The following HDX variants were observed in gnomAD, a reference collection of about 807,000 sequenced individuals.
HDX encodes chromosome X open reading frame 43.
A neutral mutation model predicts 45.2 loss-of-function variants in HDX; 19 were observed. That is an observed-to-expected ratio of 0.42 (90% CI 0.29 to 0.62). The LOEUF is 0.62. Among genes scored for constraint, HDX ranks in the 20% least tolerant of loss-of-function variants. The pLI, the probability that HDX is intolerant of heterozygous loss-of-function variation, is 0.20. For synonymous variants in HDX, 188 were observed against 172.8 expected (o/e 1.09, Z -0.69); for missense variants, 532 against 493.9 (o/e 1.08, Z -0.73).
At chrX:84,365,040 A>G (rs2147858229) in intron 5 of HDX, among the ~76,000 whole-genome samples, 1 of 110,603 alleles carries the variant, frequency 9.0e-6, no homozygotes, top group South Asian at 3.9e-4. Flanking sequence ...TATTTTGGCT[A>G]TTGTGAATAA....
chrX:84,372,526 G>T (rs145565439), intron 5 of HDX, among the ~76,000 whole-genome samples: 1,307 of 111,682 alleles, frequency 0.012, 8 homozygotes, highest in Non-Finnish European at 0.019. Context: ...GTTTGACCAA[G>T]GATTCTGTAA....
Position 84,321,810 on chromosome X carries a change from G to A in HDX, c.*79C>T, listed in dbSNP as rs909092780. 13 of 797,673 alleles carry A rather than the reference G, an allele frequency of 1.6e-5. No individual in the cohort carries two copies. The highest frequency in any genetic ancestry group is 3.2e-5 in the Admixed American group (1 of 31,594). 65.7% of individuals were successfully genotyped at this position (797,673 alleles called of 1,213,427 possible). Reference sequence around the variant, plus strand: ...GTTTTCCCAACTAAAGAATACCAGGGCAACAGAATGCAGTTATCTTGAAAT... The same window carrying A: ...GTTTTCCCAACTAAAGAATACCAGGACAACAGAATGCAGTTATCTTGAAAT... On this transcript the variant is annotated 3_prime_UTR_variant, in exon 11 of 11. Transcript: ENST00000373177.
intron 1 of HDX, among the ~76,000 whole-genome samples, chrX:84,496,925 A>T (rs749079740): frequency 1.8e-5 from 2 of 111,328 alleles, no homozygotes; most frequent in Non-Finnish European, 3.8e-5. Context: ...CCCAAGTCTT[A>T]TCTGGAATTG....
At chrX:84,475,486 T>C in intron 2 of HDX, 89 bp from the exon 3 acceptor site, 1 of 531,551 alleles carries the variant, frequency 1.9e-6, no homozygotes, top group Non-Finnish European at 3.0e-6. Context: ...ACAATTTCAA[T>C]GCTTCCAAGC....
rs1376921440 is a variant in HDX, at chrX:84,321,841, C to T, written c.*48G>A. On this transcript the variant is annotated 3_prime_UTR_variant, in exon 11 of 11. Coordinates refer to ENST00000373177, the MANE Select transcript of HDX (RefSeq NM_001177479.2). ...GAATGCAGTTATCTTGAAATGCACA[C>T]CTGTTACGAAGCCAAAAGACTGTAT... is the stretch of plus-strand genomic sequence containing the variant. 6 of 1,082,034 alleles carry T rather than the reference C, an allele frequency of 5.5e-6. No homozygotes were observed. Among genetic ancestry groups the T allele is most frequent in the Non-Finnish European group, 7.4e-6 (6 of 806,430 alleles). 89.2% of individuals were successfully genotyped at this position (1,082,034 alleles called of 1,213,427 possible).
chrX:84,419,222 G>T (rs985799522), intron 5 of HDX, among the ~76,000 whole-genome samples: 1 of 110,709 alleles, frequency 9.0e-6, no homozygotes, highest in Non-Finnish European at 1.9e-5. Flanking sequence ...TTGAGCATCA[G>T]GCGGGTTCTT....
At position 84,350,636 on chromosome X, in the gene HDX, T is replaced by G. The variant is rs771231965; in HGVS notation, c.1453-6179A>C. Among the ~76,000 whole-genome samples, 7 of 111,776 alleles carry G rather than the reference T, an allele frequency of 6.3e-5. No individual in the cohort carries two copies. The South Asian group carries it at 2.6e-3, about 42-fold the overall frequency. Reference sequence around the variant, plus strand: ...CTGAAGTTTACTTTATCCGATATTATTGTATCAACTCCTGCTTTATTTTGA... The same window carrying G: ...CTGAAGTTTACTTTATCCGATATTAGTGTATCAACTCCTGCTTTATTTTGA... On this transcript the variant is annotated intron_variant, in intron 6 of 10. Coordinates refer to ENST00000373177, the MANE Select transcript of HDX (RefSeq NM_001177479.2).
chrX:84,490,031 T>C (rs1461043580), intron 1 of HDX, among the ~76,000 whole-genome samples: 1 of 112,106 alleles, frequency 8.9e-6, no homozygotes, highest in Non-Finnish European at 1.9e-5. Flanking sequence ...TTTCCAACTT[T>C]TAAGAAATTG....
intron 4 of HDX, among the ~76,000 whole-genome samples, chrX:84,465,666 G>T (rs925503335): frequency 8.9e-6 from 1 of 111,768 alleles, no homozygotes; most frequent in Admixed American, 9.4e-5. Flanking sequence ...ACTGGGGCCC[G>T]TTGGGGGGCG....
intron 9 of HDX, among the ~76,000 whole-genome samples, chrX:84,331,841 A>G (rs1286249076): frequency 1.8e-5 from 2 of 111,819 alleles, no homozygotes; most frequent in Non-Finnish European, 3.8e-5. Flanking sequence ...GCAATAGGCT[A>G]TACCATATAC....
At chrX:84,399,037 A>T (rs1272009179) in intron 5 of HDX, among the ~76,000 whole-genome samples, 1 of 111,779 alleles carries the variant, frequency 8.9e-6, no homozygotes, top group Non-Finnish European at 1.9e-5. Context: ...AAGAAACAAC[A>T]TACCAGAATA....
rs750786298 is a variant in HDX, at chrX:84,399,248, AC to A, written c.1306-37637del. ...ACAACTGAAGGAGATAGAGACACAA[AC>A]CCCCCCCCAAAAAAACAATAAATCC... On this transcript the variant is annotated intron_variant, in intron 5 of 10. Transcript: ENST00000373177. Among the ~76,000 whole-genome samples the A allele has an allele frequency of 2.3e-3, 240 of 102,232 alleles. 1 individual carries two copies. The highest frequency in any genetic ancestry group is 7.8e-3 in the African/African-American group (219 of 28,173). 88.8% of individuals were successfully genotyped at this position (102,232 alleles called of 115,157 possible). A position where few individuals can be genotyped will look rare whatever the true frequency, so the allele number is the denominator to read the frequency against.
intron 2 of HDX, among the ~76,000 whole-genome samples, chrX:84,479,899 G>A (rs1004638956): frequency 6.3e-5 from 7 of 111,153 alleles, no homozygotes; most frequent in African/African-American, 2.3e-4. Flanking sequence ...TAATTGGGTT[G>A]TTTACTTATT....
chrX:84,374,368 C>G (rs2037984403), intron 5 of HDX, among the ~76,000 whole-genome samples: 1 of 109,748 alleles, frequency 9.1e-6, no homozygotes, highest in African/African-American at 3.3e-5. Context: ...CCATCCCCAT[C>G]AAGCTACCAA....
intron 5 of HDX, among the ~76,000 whole-genome samples, chrX:84,363,454 C>T (rs1045932872): frequency 1.8e-5 from 2 of 111,934 alleles, no homozygotes; most frequent in African/African-American, 6.5e-5. Context: ...CAACGCTGAT[C>T]ACACTCAGCT....
At chrX:84,448,258 C>T (rs1481037993) in intron 4 of HDX, among the ~76,000 whole-genome samples, 7 of 111,689 alleles carry the variant, frequency 6.3e-5, no homozygotes, top group Non-Finnish European at 7.5e-5. Context: ...CTGCTGTCAT[C>T]ACTCAGGCCA....
chrX:84,339,773 T>C (rs1309154566), intron 7 of HDX, among the ~76,000 whole-genome samples: 6 of 111,155 alleles, frequency 5.4e-5, no homozygotes, highest in African/African-American at 3.3e-5. Flanking sequence ...TTCACGTGCA[T>C]ACCCATATAA....
intron 5 of HDX, 177 bp downstream of exon 5, chrX:84,440,355 A>T: frequency 2.4e-6 from 1 of 411,999 alleles, no homozygotes; most frequent in Non-Finnish European, 4.2e-6. Context: ...ATTATAATTA[A>T]GATTACATTT....
intron 6 of HDX, among the ~76,000 whole-genome samples, chrX:84,359,997 C>T (rs1260447638): frequency 8.9e-6 from 1 of 111,749 alleles, no homozygotes; most frequent in Non-Finnish European, 1.9e-5. Context: ...GAATAGAAAA[C>T]TTACAGAAAG....
Sources: gnomAD v4.1 joint callset for allele counts (sites outside exome capture counted in the v4.1 genomes callset) on GRCh38, gnomAD v4.1.1 for gene constraint, MANE v1.5 for transcripts, NCBI Gene and HGNC (gene_info 2026-07-23, HGNC 2026-07-21) for gene names.